Variants in DMD observed in about 807,000 individuals in gnomAD.
The protein encoded by DMD is mutant dystrophin.
Under a neutral mutation model 330.1 loss-of-function variants are expected in DMD, and 63 were observed. The ratio of observed to expected loss-of-function variants is 0.19; its 90% confidence interval spans 0.16 to 0.24. The LOEUF is 0.24. Ranked by LOEUF, DMD falls within the 10% of genes least tolerant of loss-of-function variation. The pLI, the probability that DMD is intolerant of heterozygous loss-of-function variation, is 1.00. For synonymous variants in DMD, 1,223 were observed against 959.8 expected (o/e 1.27, Z -5.07); for missense variants, 3,344 against 2,684.1 (o/e 1.25, Z -5.43).
intron 47 of DMD, among the ~76,000 whole-genome samples, chrX:31,889,561 T>C (rs995233925): frequency 9.1e-6 from 1 of 109,339 alleles, no homozygotes; most frequent in Non-Finnish European, 1.9e-5. Flanking sequence ...TCACATACTG[T>C]TTAAACCCTG....
At chrX:31,538,046 G>A (rs1973298583) in intron 55 of DMD, among the ~76,000 whole-genome samples, 1 of 112,005 alleles carries the variant, frequency 8.9e-6, no homozygotes, top group Admixed American at 9.5e-5. Context: ...GCCCCATGCT[G>A]GACATTGTAG....
intron 7 of DMD, among the ~76,000 whole-genome samples, chrX:32,786,086 A>AGTGTGTGTGTGAGT (rs1557029349): frequency 1.0e-5 from 1 of 96,548 alleles, no homozygotes; most frequent in Non-Finnish European, 2.1e-5. Flanking sequence ...GAGGAATAAG[A>AGTGTGTGTGTGAGT]GTGTGTGTGT....
chrX:32,573,966 G>T, intron 13 of DMD, 120 bp from the exon 14 acceptor site: 1 of 560,885 alleles, frequency 1.8e-6, no homozygotes, highest in Non-Finnish European at 3.1e-6. Flanking sequence ...AAGTTGGAAG[G>T]GACACTCTTT....
At chrX:32,872,776 G>C (rs183016549) in intron 2 of DMD, among the ~76,000 whole-genome samples, 123 of 111,891 alleles carry the variant, frequency 1.1e-3, no homozygotes, top group African/African-American at 3.8e-3. Flanking sequence ...AGCCACAGTA[G>C]AGATGTTAAA....
chrX:32,618,318 A>T (rs2057737691), intron 11 of DMD, among the ~76,000 whole-genome samples: 1 of 112,396 alleles, frequency 8.9e-6, no homozygotes, highest in African/African-American at 3.2e-5. Context: ...ATACCATGGA[A>T]TACTATGCGG....
intron 47 of DMD, among the ~76,000 whole-genome samples, chrX:31,889,334 A>C (rs1884383053): frequency 9.0e-6 from 1 of 111,146 alleles, no homozygotes; most frequent in Non-Finnish European, 1.9e-5. Flanking sequence ...ACGTGAGTAC[A>C]TGGATAATAT....
At chrX:33,006,227 C>T (rs1328442011) in intron 2 of DMD, among the ~76,000 whole-genome samples, 1 of 111,288 alleles carries the variant, frequency 9.0e-6, no homozygotes, top group Admixed American at 9.6e-5. Context: ...AGTTACCTTG[C>T]CTTATATAGA....
chrX:31,600,518 T>G (rs1283142472), intron 55 of DMD, among the ~76,000 whole-genome samples: 2 of 100,157 alleles, frequency 2.0e-5, no homozygotes, highest in South Asian at 4.9e-4. Context: ...TGGTTTTTTT[T>G]TTTTTTTTTT....
chrX:31,150,339 C>T (rs2037260161), intron 74 of DMD, among the ~76,000 whole-genome samples: 1 of 111,943 alleles, frequency 8.9e-6, no homozygotes. Context: ...GGTTATTCCA[C>T]TGTCTTTTGG....
intron 23 of DMD, among the ~76,000 whole-genome samples, chrX:32,467,818 C>G (rs1302589656): frequency 1.8e-5 from 2 of 109,257 alleles, no homozygotes; most frequent in African/African-American, 6.6e-5. Context: ...TTCTGACCTC[C>G]AGAACAGTAA....
chrX:31,508,937 A>G (rs981910737), intron 55 of DMD, among the ~76,000 whole-genome samples: 3 of 111,803 alleles, frequency 2.7e-5, no homozygotes, highest in African/African-American at 9.7e-5. Context: ...TGAACAAGTA[A>G]GGTAGACAGA....
At chrX:32,164,626 T>G (rs2096861245) in intron 44 of DMD, among the ~76,000 whole-genome samples, 1 of 111,599 alleles carries the variant, frequency 9.0e-6, no homozygotes, top group African/African-American at 3.3e-5. Flanking sequence ...GAAAAACCCA[T>G]TTTCTGGAGA....
At chrX:31,152,905 C>CA (rs2037615825) in intron 74 of DMD, among the ~76,000 whole-genome samples, 1 of 37,646 alleles carries the variant, frequency 2.7e-5, no homozygotes, top group African/African-American at 5.5e-5. Flanking sequence ...TATTTTGGAT[C>CA]GTGATTTGGA....
chrX:31,347,099 T>C (rs1245449716), intron 61 of DMD, among the ~76,000 whole-genome samples: 1 of 100,515 alleles, frequency 9.9e-6, no homozygotes, highest in African/African-American at 3.7e-5. Context: ...CTTGGAGGCA[T>C]AGTATTTATT....
intron 60 of DMD, among the ~76,000 whole-genome samples, chrX:31,356,572 C>G (rs1450881443): frequency 1.0e-5 from 1 of 97,873 alleles, no homozygotes; most frequent in Non-Finnish European, 2.3e-5. Flanking sequence ...TTCTGATGAA[C>G]TCTGCCATCA....
In DMD at chrX:33,283,589, G is replaced by C. The variant is rs373138089; in HGVS notation, c.7+55670C>G. Among the ~76,000 whole-genome samples the C allele has an allele frequency of 2.0e-4, 22 of 109,921 alleles. No individual in the cohort carries two copies. The East Asian group carries it at 4.0e-3, about 20-fold the overall frequency. On this transcript the variant is annotated intron_variant, in intron 1 of 17. Coordinates refer to the DMD transcript ENST00000288447. ...TGAGTAGAATGACTGTACTAGGTATGTTCGTTTTCATTGTATATTTAGTAT... is the reference window on the plus strand; with the variant it reads ...TGAGTAGAATGACTGTACTAGGTATCTTCGTTTTCATTGTATATTTAGTAT...
At chrX:31,496,767 C>T (rs112573902) in intron 57 of DMD, 21 bp downstream of exon 57, 20 of 1,209,851 alleles carry the variant, frequency 1.7e-5, no homozygotes, top group African/African-American at 1.2e-4. Flanking sequence ...GTGCAAGGCA[C>T]GAGGCTTAAA....
intron 19 of DMD, among the ~76,000 whole-genome samples, chrX:32,500,124 A>T (rs2043901584): frequency 9.1e-6 from 1 of 110,431 alleles, no homozygotes; most frequent in Non-Finnish European, 1.9e-5. Flanking sequence ...GAATGTCTCA[A>T]ATCACACCCC....
At chrX:32,682,917 T>C (rs1299949048) in intron 9 of DMD, among the ~76,000 whole-genome samples, 1 of 111,787 alleles carries the variant, frequency 8.9e-6, no homozygotes, top group Non-Finnish European at 1.9e-5. Context: ...GTATCCTAGA[T>C]AGTAGCTGTT....
Sources: allele counts gnomAD v4.1 joint callset (sites outside exome capture counted in the v4.1 genomes callset), GRCh38; gene constraint gnomAD v4.1.1; transcripts MANE v1.5; gene names NCBI Gene and HGNC (gene_info 2026-07-23, HGNC 2026-07-21).